FCHSD2: variants seen among roughly 807,000 people sequenced by gnomAD.
FCHSD2 encodes the protein F-BAR and double SH3 domains protein 2.
A neutral mutation model predicts 108.1 loss-of-function variants in FCHSD2; 38 were observed. That is an observed-to-expected ratio of 0.35 (90% CI 0.27 to 0.46). The LOEUF (loss-of-function observed/expected upper bound fraction) is 0.46. FCHSD2 is among the 20% of genes least tolerant of loss of function. The pLI, the probability that FCHSD2 is intolerant of heterozygous loss-of-function variation, is 1.00. For missense variants in FCHSD2, 751 were observed against 897.8 expected (o/e 0.84, Z 2.09); for synonymous variants, 279 against 314.7 (o/e 0.89, Z 1.20).
chr11:72,887,574 C>A lies in FCHSD2; in HGVS notation c.1042G>T (p.Val348Phe), dbSNP rs779970508. 3 of 1,538,406 alleles carry A rather than the reference C, an allele frequency of 2.0e-6. No individual in the cohort carries two copies. The highest frequency in any genetic ancestry group is 2.8e-5 in the African/African-American group (2 of 70,392). Residue 348 changes from valine to phenylalanine, a missense_variant and splice_region_variant, in exon 12 of 20, where the codon GTT becomes TTT. Physicochemically the swap from Val to Phe is conservative, Grantham distance 50 (BLOSUM62 -1). Transcript: ENST00000409418. ...EHKNIVHQQRVLNDLECHGAA... is the reference protein window; with the variant it reads ...EHKNIVHQQRFLNDLECHGAA... ...CCATGACACTCCAGATCATTTAGAA[C>A]CTATTAAAGAAAATGGGACAATAAT...
At chr11:73,001,832 T>C (rs1481273227) in intron 4 of FCHSD2, among the ~76,000 whole-genome samples, 4 of 152,182 alleles carry the variant, frequency 2.6e-5, no homozygotes, top group South Asian at 2.1e-4. Flanking sequence ...TCACCTTTGC[T>C]TGATAAATGT....
intron 4 of FCHSD2, among the ~76,000 whole-genome samples, chr11:73,015,185 T>C (rs968150749): frequency 6.6e-6 from 1 of 152,194 alleles, no homozygotes; most frequent in Non-Finnish European, 1.5e-5. Context: ...TTTTAAGATA[T>C]CAGTAGGTCA....
chr11:72,901,404 A>AAAT (rs1274445720), intron 10 of FCHSD2, among the ~76,000 whole-genome samples: 25 of 151,986 alleles, frequency 1.6e-4, no homozygotes, highest in Admixed American at 3.3e-4. Flanking sequence ...CTCAAAAATA[A>AAAT]AATAATAATA....
chr11:72,922,071 C>A lies in FCHSD2; in HGVS notation c.706-121G>T, dbSNP rs533930803. ...AAATTTATTATTAATAATAAATGGA[C>A]AAAAGATACAGATTGTAAGTAAATA... On this transcript the variant is annotated intron_variant, in intron 8 of 19. Transcript: ENST00000409418. 4 of 619,042 alleles carry A rather than the reference C, an allele frequency of 6.5e-6. No homozygotes were observed. In the Admixed American group the frequency reaches 8.9e-5, roughly 14 times the overall value. The allele number at this position is 619,042 out of a possible 1,614,324, so 38.3% of individuals were successfully genotyped here.
chr11:73,119,391 T>C (rs1401199813), intron 2 of FCHSD2, among the ~76,000 whole-genome samples: 1 of 152,198 alleles, frequency 6.6e-6, no homozygotes, highest in Non-Finnish European at 1.5e-5. Flanking sequence ...AATTCAAATC[T>C]ATATACTTTA....
intron 3 of FCHSD2, among the ~76,000 whole-genome samples, chr11:73,071,616 G>A (rs1039095532): frequency 5.3e-5 from 8 of 151,924 alleles, no homozygotes; most frequent in African/African-American, 1.7e-4. Flanking sequence ...CAGGAGAATC[G>A]CTTGAACCTG....
intron 2 of FCHSD2, among the ~76,000 whole-genome samples, chr11:73,112,935 G>A (rs1290606449): frequency 2.6e-5 from 4 of 152,098 alleles, no homozygotes; most frequent in African/African-American, 9.7e-5. Flanking sequence ...CAAAATGCTG[G>A]GATTACAGGC....
Position 72,838,772 on chromosome 11 carries a change from T to C in FCHSD2, c.*19A>G, listed in dbSNP as rs188958650. The C allele has an allele frequency of 2.5e-6, 4 of 1,578,568 alleles. No individual in the cohort carries two copies. Among genetic ancestry groups the C allele is most frequent in the Admixed American group, 3.6e-5 (2 of 55,372 alleles). ...AGCCTGGCCTTGATTGTAGCAGTAA[T>C]GGATGGGCAAGCCCATCATCACACC... is the stretch of plus-strand genomic sequence containing the variant. On this transcript the variant is annotated 3_prime_UTR_variant, in exon 20 of 20. Coordinates refer to ENST00000409418, the MANE Select transcript of FCHSD2 (RefSeq NM_014824.3).
chr11:73,027,048 G>A (rs780794148), intron 3 of FCHSD2, among the ~76,000 whole-genome samples: 10 of 152,126 alleles, frequency 6.6e-5, no homozygotes, highest in South Asian at 2.1e-4. Flanking sequence ...AATTGGTACC[G>A]AGAGACATGG....
intron 3 of FCHSD2, among the ~76,000 whole-genome samples, chr11:73,070,417 G>T (rs1359756038): frequency 6.6e-6 from 1 of 151,920 alleles, no homozygotes; most frequent in Non-Finnish European, 1.5e-5. Flanking sequence ...AAATGTCAGG[G>T]TTTTTTATTT....
intron 3 of FCHSD2, among the ~76,000 whole-genome samples, chr11:73,039,281 G>A (rs1348299978): frequency 6.6e-6 from 1 of 152,116 alleles, no homozygotes; most frequent in Non-Finnish European, 1.5e-5. Flanking sequence ...ACTTTGGGAA[G>A]CAGAGGTGGG....
intron 2 of FCHSD2, among the ~76,000 whole-genome samples, chr11:73,122,346 A>G (rs1392879254): frequency 6.6e-6 from 1 of 152,216 alleles, no homozygotes; most frequent in Admixed American, 6.5e-5. Context: ...ATCAAGACAT[A>G]GACTCTGCTG....
chr11:72,983,095 C>G (rs1409955173), intron 8 of FCHSD2, among the ~76,000 whole-genome samples: 6 of 151,768 alleles, frequency 4.0e-5, no homozygotes, highest in Non-Finnish European at 7.4e-5. Flanking sequence ...GAGATCGAGA[C>G]CATCCCGGCT....
intron 9 of FCHSD2, among the ~76,000 whole-genome samples, chr11:72,919,364 G>C (rs1035675616): frequency 6.6e-6 from 1 of 152,142 alleles, no homozygotes; most frequent in Non-Finnish European, 1.5e-5. Flanking sequence ...ATACTCATAT[G>C]AGTGAATGCA....
At chr11:73,120,937 C>G (rs972240834) in intron 2 of FCHSD2, among the ~76,000 whole-genome samples, 1 of 151,726 alleles carries the variant, frequency 6.6e-6, no homozygotes, top group Non-Finnish European at 1.5e-5. Flanking sequence ...AGGCTCCCCA[C>G]GAAATCTAAT....
At chr11:72,908,013 G>A (rs1244727380) in intron 9 of FCHSD2, among the ~76,000 whole-genome samples, 1 of 152,016 alleles carries the variant, frequency 6.6e-6, no homozygotes, top group African/African-American at 2.4e-5. Context: ...AGCCATCCTG[G>A]CTCCCCCCAC....
chr11:73,043,067 T>C (rs1157777919), intron 3 of FCHSD2, among the ~76,000 whole-genome samples: 1 of 152,236 alleles, frequency 6.6e-6, no homozygotes, highest in Non-Finnish European at 1.5e-5. Flanking sequence ...ACTGATGCTC[T>C]GGCTAGAACT....
intron 3 of FCHSD2, among the ~76,000 whole-genome samples, chr11:73,033,064 G>A (rs926243606): frequency 6.6e-5 from 10 of 151,926 alleles, no homozygotes; most frequent in Admixed American, 4.6e-4. Flanking sequence ...TGAGGCATGC[G>A]GATCATGAGG....
At chr11:72,939,664 G>A (rs1043604778) in intron 8 of FCHSD2, among the ~76,000 whole-genome samples, 2 of 131,584 alleles carry the variant, frequency 1.5e-5, no homozygotes, top group African/African-American at 5.7e-5. Context: ...TGTCGCCCAG[G>A]CTGGAGTGCA....
Sources: gnomAD v4.1 joint callset for allele counts (sites outside exome capture counted in the v4.1 genomes callset) on GRCh38, gnomAD v4.1.1 for gene constraint, MANE v1.5 for transcripts, NCBI Gene and HGNC (gene_info 2026-07-23, HGNC 2026-07-21) for gene names.